SEL1L3: variants seen among roughly 807,000 people sequenced by gnomAD.
SEL1L3 encodes SEL1L family member 3, also known as protein sel-1 homolog 3.
SEL1L3 carries 76 observed loss-of-function variants against 142.8 expected under a neutral mutation model. The ratio of observed to expected loss-of-function variants is 0.53; its 90% CI spans 0.44 to 0.64. The LOEUF is 0.64. Ranked by LOEUF, SEL1L3 falls within the 30% of genes least tolerant of loss-of-function variation. The pLI, the probability that SEL1L3 is intolerant of heterozygous loss-of-function variation, is 0.00. For missense variants in SEL1L3, 1,262 were observed against 1,381.7 expected (o/e 0.91, Z 1.37); for synonymous variants, 504 against 519.6 (o/e 0.97, Z 0.41).
intron 9 of SEL1L3, among the ~76,000 whole-genome samples, chr4:25,806,041 GT>G (rs33956733): frequency 0.09 from 12,102 of 134,666 alleles, 855 homozygotes; most frequent in African/African-American, 0.21. Context: ...TGTTTTGTTT[GT>G]TTTTTTTTTT....
chr4:25,756,212 T>C (rs1188378731), intron 23 of SEL1L3: 1 of 985,306 alleles, frequency 1.0e-6, no homozygotes, highest in African/African-American at 1.7e-5. Context: ...TTTGCCTTCA[T>C]GAGTTATTAT....
At chr4:25,772,092 G>T (rs1220296256) in intron 17 of SEL1L3, among the ~76,000 whole-genome samples, 1 of 152,200 alleles carries the variant, frequency 6.6e-6, no homozygotes, top group Non-Finnish European at 1.5e-5. Flanking sequence ...TATTACAGCA[G>T]AATAGATGGT....
intron 7 of SEL1L3, among the ~76,000 whole-genome samples, chr4:25,820,149 T>C (rs1017877652): frequency 8.5e-5 from 13 of 152,236 alleles, no homozygotes; most frequent in Non-Finnish European, 1.5e-5. Flanking sequence ...CTTCAGCTTC[T>C]CTTTGTGTCC....
chr4:25,764,135 A>T (rs921049904), intron 20 of SEL1L3, among the ~76,000 whole-genome samples: 8 of 152,224 alleles, frequency 5.3e-5, no homozygotes, highest in Non-Finnish European at 8.8e-5. Context: ...AATCTATTCA[A>T]GAGAAAACAG....
intron 6 of SEL1L3, among the ~76,000 whole-genome samples, chr4:25,822,352 C>T (rs1184368342): frequency 6.6e-6 from 1 of 152,190 alleles, no homozygotes; most frequent in African/African-American, 2.4e-5. Context: ...AACCTCCTCT[C>T]CAGTGCTGTC....
intron 23 of SEL1L3, among the ~76,000 whole-genome samples, chr4:25,757,100 T>A (rs927134657): frequency 6.6e-6 from 1 of 151,876 alleles, no homozygotes; most frequent in Non-Finnish European, 1.5e-5. Context: ...AAACCCCGTC[T>A]CTACTAAAAA....
chr4:25,756,404 A>C (rs970525240), intron 23 of SEL1L3: 4 of 985,074 alleles, frequency 4.1e-6, no homozygotes, highest in Non-Finnish European at 2.4e-6. Flanking sequence ...ACATTTATTG[A>C]GAAGGTTTTA....
At chr4:25,757,818 C>A (rs775598841) in intron 21 of SEL1L3, 28 bp from the exon 22 acceptor site, 8 of 1,528,562 alleles carry the variant, frequency 5.2e-6, no homozygotes, top group Non-Finnish European at 7.1e-6. Flanking sequence ...GGCATCTTGA[C>A]GTGTCAGCCA....
At position 25,773,796 on chromosome 4, in the gene SEL1L3, G is replaced by C. The variant is rs1214364762; in HGVS notation, c.2669+2481C>G. ...TCTCAAGTTTTACCCACATGGCATA[G>C]TATTTTGTAGACTCTCTTTGCTTTT... On this transcript the variant is annotated intron_variant, in intron 17 of 23. Coordinates refer to ENST00000399878, the MANE Select transcript of SEL1L3 (RefSeq NM_015187.5). Among the ~76,000 whole-genome samples, 2 of 152,204 alleles carry C rather than the reference G, an allele frequency of 1.3e-5. 1 individual carries two copies. Among genetic ancestry groups the C allele is most frequent in the East Asian group, 3.8e-4 (2 of 5,196 alleles).
chr4:25,757,688 C>G lies in SEL1L3; in HGVS notation c.3186G>C (p.Leu1062=), dbSNP rs1415346811. ...GGGGCCGGTGGGACATGAAACCTACCAGGGCTGAGTGCAGGATAGCACCCC... is the reference window on the plus strand; with the variant it reads ...GGGGCCGGTGGGACATGAAACCTACGAGGGCTGAGTGCAGGATAGCACCCC... The part of the protein sequence containing the change: ...LLWGAILHSA[L]IYFLGTFLLS... The change falls in exon 22 of 24, where the codon CTG becomes CTC. Residue 1062 remains leucine, a splice_region_variant and synonymous_variant. Transcript: ENST00000399878. The G allele has an allele frequency of 1.9e-6, 3 of 1,586,120 alleles. No homozygotes were observed. Among genetic ancestry groups the G allele is most frequent in the Non-Finnish European group, 2.6e-6 (3 of 1,166,502 alleles).
the SEL1L3 span, among the ~76,000 whole-genome samples, chr4:25,731,739 G>T: frequency 6.6e-6 from 1 of 151,994 alleles, no homozygotes; most frequent in Non-Finnish European, 1.5e-5. Flanking sequence ...TCTTGTTCAT[G>T]GGCATTTGGG....
At chr4:25,743,805 G>A (rs1717184276), downstream of SEL1L3, among the ~76,000 whole-genome samples, 1 of 152,004 alleles carries the variant, frequency 6.6e-6, no homozygotes, top group Non-Finnish European at 1.5e-5. Context: ...GTGATTCTGG[G>A]GTCCCAATAT....
At chr4:25,852,235 C>T (rs1160990235) in intron 1 of SEL1L3, among the ~76,000 whole-genome samples, 7 of 152,184 alleles carry the variant, frequency 4.6e-5, no homozygotes, top group Non-Finnish European at 1.0e-4. Flanking sequence ...CATTCTCCAA[C>T]ACCACCCAGC....
chr4:25,829,957 AG>A (rs1207149056), intron 6 of SEL1L3, 140 bp downstream of exon 6: 6 of 614,884 alleles, frequency 9.8e-6, no homozygotes, highest in African/African-American at 1.9e-5. Context: ...TACAAAGACT[AG>A]CTACAGGGCA....
At chr4:25,803,809 T>A (rs554897818) in intron 10 of SEL1L3, among the ~76,000 whole-genome samples, 4 of 152,238 alleles carry the variant, frequency 2.6e-5, no homozygotes, top group Admixed American at 1.3e-4. Context: ...GTTTTGGTTT[T>A]TTTCCTGCCC....
chr4:25,763,960 A>T (rs1718552566), intron 20 of SEL1L3, among the ~76,000 whole-genome samples: 1 of 152,236 alleles, frequency 6.6e-6, no homozygotes. Context: ...GTTGCAGCAG[A>T]GGGTAACAAC....
chr4:25,820,591 G>A (rs1254960670), intron 7 of SEL1L3, among the ~76,000 whole-genome samples: 2 of 152,232 alleles, frequency 1.3e-5, no homozygotes, highest in Non-Finnish European at 2.9e-5. Context: ...AGTTATTTCA[G>A]TGGGTGGGAA....
intron 14 of SEL1L3, among the ~76,000 whole-genome samples, chr4:25,783,898 A>G (rs1711591393): frequency 1.3e-5 from 2 of 152,064 alleles, no homozygotes; most frequent in Non-Finnish European, 2.9e-5. Context: ...ATACCCATCC[A>G]ATTTCCAGGG....
chr4:25,863,300 C>A, upstream of SEL1L3: 1 of 414,986 alleles, frequency 2.4e-6, no homozygotes, highest in Admixed American at 4.2e-5. Flanking sequence ...CCCCTCCTCT[C>A]CCTCCGGCTC....
Sources: allele counts gnomAD v4.1 joint callset (sites outside exome capture counted in the v4.1 genomes callset), GRCh38; gene constraint gnomAD v4.1.1; transcripts MANE v1.5; gene names NCBI Gene and HGNC (gene_info 2026-07-23, HGNC 2026-07-21).